ST6GAL2: variants seen among roughly 807,000 people sequenced by gnomAD.
ST6GAL2 encodes beta-galactoside alpha-2,6-sialyltransferase 2.
Under a neutral mutation model 37.5 loss-of-function variants are expected in ST6GAL2, and 24 were observed. That is an observed-to-expected ratio of 0.64 (90% CI 0.46 to 0.90). ST6GAL2 has a LOEUF of 0.90. Among genes scored for constraint, ST6GAL2 ranks in the 40% least tolerant of loss-of-function variants. The pLI is 0.00. For missense variants in ST6GAL2, 715 were observed against 712.7 expected (o/e 1.00, Z -0.04); for synonymous variants, 306 against 295.1 (o/e 1.04, Z -0.38).
intron 5 of ST6GAL2, among the ~76,000 whole-genome samples, chr2:106,824,267 C>T (rs1179077850): frequency 1.3e-5 from 2 of 152,168 alleles, no homozygotes; most frequent in African/African-American, 4.8e-5. Context: ...ATTAGTAAAG[C>T]AAGTAAATTT....
intron 5 of ST6GAL2, among the ~76,000 whole-genome samples, chr2:106,827,801 A>C (rs1026709256): frequency 2.0e-5 from 3 of 152,240 alleles, no homozygotes; most frequent in Non-Finnish European, 4.4e-5. Flanking sequence ...TAATTGAAAC[A>C]TAAGTAGCCA....
Position 106,830,209 on chromosome 2 carries a change from G to C in ST6GAL2, c.1175C>G (p.Thr392Ser), listed in dbSNP as rs144829459. Residue 392 changes from threonine to serine, a missense_variant, in exon 5 of 6, where the codon ACT (threonine) becomes AGT (serine). Physicochemically the swap from Thr to Ser is moderately conservative, Grantham distance 58. Around this residue, in one of 3 missense-constraint regions of ST6GAL2, gnomAD observed 198 missense variants for 203.6 expected, o/e 0.97. Transcript: ENST00000409382. ...TCTCTGACGATGCTGAATATATGGA[G>C]TGAACAGGTTGTAATCCGGTTTTTT... ...WYKKPDYNLF[T>S]PYIQHRQRNP... The C allele has an allele frequency of 0.012, 18,932 of 1,613,282 alleles. 138 individuals are homozygous for C. The highest frequency in any genetic ancestry group is 0.014 in the Non-Finnish European group (16,438 of 1,179,908).
In ST6GAL2 at chr2:106,848,646, C is replaced by T. The variant is rs141879023; in HGVS notation, c.-57-4612G>A. Among the ~76,000 whole-genome samples the T allele has an allele frequency of 3.0e-3, 456 of 152,228 alleles. 3 individuals are homozygous for T. The highest frequency in any genetic ancestry group is 0.01 in the African/African-American group (419 of 41,520). ...ATAATCTAATATGACCTTGGTTTGA[C>T]GAGTCAAGAAGCCGCAGGAACTTGA... On this transcript the variant is annotated intron_variant, in intron 1 of 5. Transcript: ENST00000409382.
intron 1 of ST6GAL2, among the ~76,000 whole-genome samples, chr2:106,858,340 C>T (rs1174006616): frequency 2.6e-5 from 4 of 152,182 alleles, no homozygotes; most frequent in African/African-American, 9.7e-5. Flanking sequence ...AGAAATTACA[C>T]AAATTCTTCA....
In ST6GAL2 at chr2:106,830,241, C is replaced by T; in HGVS notation, c.1144-1G>A. 6.3e-7 allele frequency: 1 copy of T among 1,599,186 alleles called. No homozygotes were observed. The highest frequency in any genetic ancestry group is 8.5e-7 in the Non-Finnish European group (1 of 1,174,520). On this transcript the variant is annotated splice_acceptor_variant, in intron 4 of 5. Coordinates refer to ENST00000409382, the MANE Select transcript of ST6GAL2 (RefSeq NM_001142351.2). LOFTEE classifies it high-confidence loss of function. The stretch of plus-strand genomic sequence containing the variant: ...GGTTGTAATCCGGTTTTTTGTACCA[C>T]TAAGGAAAAAAAAATCAATGCAGTC...
At chr2:106,836,702 C>T (rs1352519943) in intron 2 of ST6GAL2, among the ~76,000 whole-genome samples, 3 of 139,044 alleles carry the variant, frequency 2.2e-5, no homozygotes, top group East Asian at 2.1e-4. Context: ...AACAGGTGGG[C>T]GGATCATCTG....
chr2:106,837,502 T>A (rs1278747591), intron 2 of ST6GAL2, among the ~76,000 whole-genome samples: 2 of 152,138 alleles, frequency 1.3e-5, no homozygotes, highest in Non-Finnish European at 2.9e-5. Context: ...AGGCTAAGGG[T>A]AAGCTTAGAT....
intron 1 of ST6GAL2, among the ~76,000 whole-genome samples, chr2:106,853,310 T>A (rs1034688838): frequency 1.3e-5 from 2 of 152,336 alleles, no homozygotes; most frequent in African/African-American, 4.8e-5. Flanking sequence ...AGGCGGATTT[T>A]GCCTAGGCAG....
chr2:106,878,705 A>T (rs931278576), intron 1 of ST6GAL2, among the ~76,000 whole-genome samples: 2 of 152,228 alleles, frequency 1.3e-5, no homozygotes, highest in African/African-American at 4.8e-5. Context: ...ATACAGGAGA[A>T]TCTGCCTAGG....
intron 1 of ST6GAL2, among the ~76,000 whole-genome samples, chr2:106,885,550 C>A (rs1678944182): frequency 6.6e-6 from 1 of 152,116 alleles, no homozygotes; most frequent in Non-Finnish European, 1.5e-5. Flanking sequence ...AGTCCCCCAA[C>A]ACAGAACCGG....
At chr2:106,837,735 T>C (rs1249533306) in intron 2 of ST6GAL2, among the ~76,000 whole-genome samples, 1 of 152,138 alleles carries the variant, frequency 6.6e-6, no homozygotes, top group African/African-American at 2.4e-5. Flanking sequence ...TTTCTATTAT[T>C]TGACTAATAA....
chr2:106,838,601 T>C (rs866730346), intron 2 of ST6GAL2, among the ~76,000 whole-genome samples: 2 of 152,208 alleles, frequency 1.3e-5, no homozygotes, highest in South Asian at 2.1e-4. Context: ...GGCTGAGAGC[T>C]AGTGTTTCTG....
intron 5 of ST6GAL2, among the ~76,000 whole-genome samples, chr2:106,825,389 A>AT (rs1676164353): frequency 6.6e-6 from 1 of 152,224 alleles, no homozygotes; most frequent in African/African-American, 2.4e-5. Context: ...GCCTGAATCC[A>AT]GACAGTTTCA....
chr2:106,861,974 CTT>C (rs1459623212), intron 1 of ST6GAL2, among the ~76,000 whole-genome samples: 2 of 152,186 alleles, frequency 1.3e-5, no homozygotes, highest in African/African-American at 4.8e-5. Flanking sequence ...ATTTCATACT[CTT>C]ATGTAAATAT....
At position 106,843,407 on chromosome 2, in the gene ST6GAL2, C is replaced by G. The variant is rs1401296066; in HGVS notation, c.571G>C (p.Asp191His). Residue 191 changes from aspartate (D) to histidine (H), a missense_variant, in exon 2 of 6, where the codon GAC becomes CAC. Around this residue, in one of 3 missense-constraint regions of ST6GAL2, gnomAD observed 512 missense variants for 488.8 expected, o/e 1.05. Coordinates refer to ENST00000409382, the MANE Select transcript of ST6GAL2 (RefSeq NM_001142351.2). ...RRSHVLEEGD[D>H]GDRLYSSMSR... is the part of the protein sequence containing the mutation. ...ATGGAGGAGTACAGCCTGTCGCCGT[C>G]GTCGCCCTCCTCCAACACGTGGCTC... 2 of 1,614,134 alleles carry G rather than the reference C, an allele frequency of 1.2e-6. No individual in the cohort carries two copies. The highest frequency in any genetic ancestry group is 3.3e-5 in the Admixed American group (2 of 60,032).
chr2:106,805,915 T>C lies in ST6GAL2; in HGVS notation c.*763A>G, dbSNP rs924619135. On this transcript the variant is annotated 3_prime_UTR_variant, in exon 6 of 6. Transcript: ENST00000409382. ...CTGCAGCCCTGTGATTCTATGTTAC[T>C]TGCCAGTGATGTGCCTCCTGGTGGA... The C allele has an allele frequency of 6.6e-6, 1 of 152,378 alleles. No homozygotes were observed. Among genetic ancestry groups the C allele is most frequent in the Non-Finnish European group, 1.5e-5 (1 of 68,168 alleles). The allele number at this position is 152,378 out of a possible 1,614,324, so 9.4% of individuals were successfully genotyped here. A position where few individuals can be genotyped will look rare whatever the true frequency, so the allele number is the denominator to read the frequency against.
chr2:106,866,801 A>G (rs1305476773), intron 1 of ST6GAL2, among the ~76,000 whole-genome samples: 2 of 152,224 alleles, frequency 1.3e-5, no homozygotes, highest in Non-Finnish European at 2.9e-5. Context: ...AAGAAGTAAA[A>G]TAAAAACAAC....
intron 1 of ST6GAL2, among the ~76,000 whole-genome samples, chr2:106,866,149 C>T (rs1240841378): frequency 1.3e-5 from 2 of 152,108 alleles, no homozygotes; most frequent in Non-Finnish European, 2.9e-5. Flanking sequence ...AATATTATGG[C>T]CTCAATTTTA....
At chr2:106,863,357 T>G (rs1195378111) in intron 1 of ST6GAL2, among the ~76,000 whole-genome samples, 1 of 152,216 alleles carries the variant, frequency 6.6e-6, no homozygotes, top group Non-Finnish European at 1.5e-5. Context: ...TTTTTGCTTC[T>G]TGAGTGTTTT....
Sources: gnomAD v4.1 joint callset for allele counts (sites outside exome capture counted in the v4.1 genomes callset) on GRCh38, gnomAD v4.1.1 for gene constraint, gnomAD v4.1.1 regional missense constraint, MANE v1.5 for transcripts, NCBI Gene and HGNC (gene_info 2026-07-23, HGNC 2026-07-21) for gene names.